Variants in SLC16A7 observed in about 807,000 individuals in gnomAD.
The protein encoded by SLC16A7 is monocarboxylate transporter 2.
Under a neutral mutation model 34.9 loss-of-function variants are expected in SLC16A7, and 33 were observed. The observed-to-expected ratio is 0.94, with a 90% CI of 0.72 to 1.26. The LOEUF (loss-of-function observed/expected upper bound fraction) is 1.26, where lower values mean the gene tolerates loss of function less well. SLC16A7 is among the 50% of genes most tolerant of loss of function. SLC16A7 has a pLI of 0.00. For missense variants in SLC16A7, 573 were observed against 578.1 expected (o/e 0.99, Z 0.09); for synonymous variants, 201 against 206.6 (o/e 0.97, Z 0.23).
At chr12:59,734,548 C>T (rs1281345436) in intron 3 of SLC16A7, among the ~76,000 whole-genome samples, 4 of 152,178 alleles carry the variant, frequency 2.6e-5, no homozygotes, top group Non-Finnish European at 5.9e-5. Context: ...GTGTGGGTCT[C>T]CAACCCCTTT....
intron 3 of SLC16A7, among the ~76,000 whole-genome samples, chr12:59,747,173 G>C (rs1178471782): frequency 6.6e-6 from 1 of 152,036 alleles, no homozygotes; most frequent in Non-Finnish European, 1.5e-5. Context: ...ACCAAGAACT[G>C]GACATGCATA....
intron 3 of SLC16A7, among the ~76,000 whole-genome samples, chr12:59,749,592 G>A (rs989053173): frequency 1.3e-5 from 2 of 152,148 alleles, no homozygotes; most frequent in Non-Finnish European, 2.9e-5. Flanking sequence ...CAACGCTGTG[G>A]AAGAGAACCT....
chr12:59,637,480 A>C (rs1363191867), intron 1 of SLC16A7, among the ~76,000 whole-genome samples: 2 of 150,610 alleles, frequency 1.3e-5, no homozygotes, highest in Admixed American at 1.3e-4. Flanking sequence ...CTGTTTTAGC[A>C]TTCACCTTTG....
At chr12:59,624,732 T>C (rs1879845633) in intron 1 of SLC16A7, among the ~76,000 whole-genome samples, 1 of 148,336 alleles carries the variant, frequency 6.7e-6, no homozygotes, top group Non-Finnish European at 1.5e-5. Flanking sequence ...TTCTTTGCAT[T>C]GTTAGTTGTG....
chr12:59,639,936 A>G (rs541075919), intron 1 of SLC16A7, among the ~76,000 whole-genome samples: 1 of 152,184 alleles, frequency 6.6e-6, no homozygotes, highest in Non-Finnish European at 1.5e-5. Context: ...CTTCTGTCCA[A>G]CATGGCCACA....
intron 3 of SLC16A7, among the ~76,000 whole-genome samples, chr12:59,706,364 G>T (rs1368988637): frequency 2.7e-5 from 4 of 148,684 alleles, no homozygotes; most frequent in African/African-American, 9.8e-5. Context: ...ATAATTCCCT[G>T]TGTGTGTGTG....
chr12:59,690,040 G>GTAA (rs1871464603), intron 2 of SLC16A7, among the ~76,000 whole-genome samples: 1 of 151,930 alleles, frequency 6.6e-6, no homozygotes, highest in Admixed American at 6.6e-5. Flanking sequence ...TTCCTAGAAA[G>GTAA]GATTCTGTGG....
At chr12:59,701,393 A>G (rs1201536039) in intron 2 of SLC16A7, among the ~76,000 whole-genome samples, 1 of 151,132 alleles carries the variant, frequency 6.6e-6, no homozygotes, top group East Asian at 1.9e-4. Flanking sequence ...AGATGAAACC[A>G]TGTAAAGGAA....
chr12:59,732,221 A>C (rs1013920072), intron 3 of SLC16A7, among the ~76,000 whole-genome samples: 2 of 152,220 alleles, frequency 1.3e-5, no homozygotes, highest in African/African-American at 4.8e-5. Context: ...GTTCGAGACC[A>C]GCCTGACCAA....
intron 2 of SLC16A7, among the ~76,000 whole-genome samples, chr12:59,657,434 G>A (rs17122791): frequency 4.0e-5 from 6 of 151,886 alleles, no homozygotes; most frequent in East Asian, 1.9e-4. Flanking sequence ...ACTTAAGCAT[G>A]TGAATATCTT....
chr12:59,678,423 C>T (rs368925062), intron 2 of SLC16A7, among the ~76,000 whole-genome samples: 10 of 152,040 alleles, frequency 6.6e-5, no homozygotes, highest in Non-Finnish European at 1.0e-4. Context: ...CAGCTTGTCC[C>T]GATGAGTGTT....
At chr12:59,679,640 T>C (rs1374095488) in intron 2 of SLC16A7, among the ~76,000 whole-genome samples, 1 of 152,240 alleles carries the variant, frequency 6.6e-6, no homozygotes, top group African/African-American at 2.4e-5. Context: ...TATAATTACC[T>C]CCTACATTTT....
intron 3 of SLC16A7, among the ~76,000 whole-genome samples, chr12:59,718,302 G>C (rs569462934): frequency 3.0e-4 from 46 of 152,126 alleles, no homozygotes; most frequent in African/African-American, 9.6e-4. Flanking sequence ...ATACAATCTT[G>C]TTTCAAAGCA....
intron 1 of SLC16A7, among the ~76,000 whole-genome samples, chr12:59,630,069 A>G (rs182836440): frequency 1.3e-5 from 2 of 152,018 alleles, no homozygotes; most frequent in Admixed American, 1.3e-4. Context: ...AAGGAGTGAG[A>G]ACTGGATTGG....
chr12:59,665,696 G>A (rs1279561637), intron 2 of SLC16A7, among the ~76,000 whole-genome samples: 1 of 151,938 alleles, frequency 6.6e-6, no homozygotes, highest in Non-Finnish European at 1.5e-5. Context: ...TCAACATAGA[G>A]AGATGCATTG....
intron 1 of SLC16A7, among the ~76,000 whole-genome samples, chr12:59,619,634 T>C (rs902295964): frequency 1.3e-5 from 2 of 151,922 alleles, no homozygotes; most frequent in East Asian, 1.9e-4. Context: ...CAGGTGAAGG[T>C]GGTCATGTGT....
At chr12:59,633,940 G>A (rs1451974758) in intron 1 of SLC16A7, among the ~76,000 whole-genome samples, 1 of 152,036 alleles carries the variant, frequency 6.6e-6, no homozygotes. Context: ...GGGACACAGA[G>A]CCAAACCATA....
At chr12:59,696,006 T>C (rs1231915836) in intron 2 of SLC16A7, among the ~76,000 whole-genome samples, 1 of 151,962 alleles carries the variant, frequency 6.6e-6, no homozygotes, top group Non-Finnish European at 1.5e-5. Flanking sequence ...ATTTTAATTT[T>C]TTATTTTCAT....
At chr12:59,629,838 T>G (rs1355220406) in intron 1 of SLC16A7, among the ~76,000 whole-genome samples, 3 of 151,912 alleles carry the variant, frequency 2.0e-5, no homozygotes, top group Non-Finnish European at 4.4e-5. Context: ...TCATGATGAC[T>G]CCAGCTGGAA....
Sources: allele counts gnomAD v4.1 joint callset (sites outside exome capture counted in the v4.1 genomes callset), GRCh38; gene constraint gnomAD v4.1.1; transcripts MANE v1.5; gene names NCBI Gene and HGNC (gene_info 2026-07-23, HGNC 2026-07-21).